Variants in COPS4 observed in about 807,000 individuals in gnomAD.
COPS4 encodes COP9 signalosome complex subunit 4.
Under a neutral mutation model 55.1 loss-of-function variants are expected in COPS4, and 8 were observed. The observed-to-expected ratio is 0.15, with a 90% CI of 0.09 to 0.26. COPS4 has a LOEUF of 0.26. Among genes scored for constraint, COPS4 ranks in the 10% least tolerant of loss-of-function variants. COPS4 has a pLI of 1.00. For missense variants in COPS4, 248 were observed against 484.0 expected, an observed-to-expected ratio of 0.51 and a Z score of 4.58; for synonymous variants, 185 against 165.7, an observed-to-expected ratio of 1.12 and a Z score of -0.90.
At chr4:83,037,644 T>C (rs1730460399) in intron 1 of COPS4, among the ~76,000 whole-genome samples, 1 of 152,196 alleles carries the variant, frequency 6.6e-6, no homozygotes, top group Non-Finnish European at 1.5e-5. Context: ...TATATCAGTG[T>C]GTTTTTTTTT....
rs377182299 is a variant in COPS4 at position 83,067,500 on chromosome 4, A to G, written c.1003-938A>G. Among the ~76,000 whole-genome samples, 11 of 149,006 alleles carry G rather than the reference A, an allele frequency of 7.4e-5. 2 individuals carry two copies. In the South Asian group the frequency reaches 1.7e-3, roughly 23 times the overall value. On this transcript the variant is annotated intron_variant, in intron 8 of 9. Transcript: ENST00000264389. Reference sequence around the variant, plus strand: ...CAGACTCCCAAAGTGCTGGGATTACAAGTGTGAGTCACCACGCCCAGCCCT... The same window carrying G: ...CAGACTCCCAAAGTGCTGGGATTACGAGTGTGAGTCACCACGCCCAGCCCT...
chr4:83,049,828 ATTAG>A, intron 3 of COPS4, 49 bp from the exon 4 acceptor site: 1 of 1,004,458 alleles, frequency 1.0e-6, no homozygotes, highest in Non-Finnish European at 1.5e-6. Flanking sequence ...ATTTATTTTA[ATTAG>A]TTACTAATGT....
chr4:83,045,561 C>T (rs1397873276), intron 1 of COPS4, 65 bp from the exon 2 acceptor site: 2 of 1,228,134 alleles, frequency 1.6e-6, no homozygotes, highest in African/African-American at 1.5e-5. Context: ...AATAAATACA[C>T]ATCAAAGTTT....
At chr4:83,061,069 C>T (rs1485597688) in intron 6 of COPS4, among the ~76,000 whole-genome samples, 2 of 151,604 alleles carry the variant, frequency 1.3e-5, no homozygotes, top group African/African-American at 4.8e-5. Context: ...ATAATCCTTG[C>T]TTGGGTCATT....
chr4:83,048,940 G>A (rs2126129428), intron 2 of COPS4, among the ~76,000 whole-genome samples: 1 of 152,168 alleles, frequency 6.6e-6, no homozygotes, highest in South Asian at 2.1e-4. Context: ...CCATCGCACT[G>A]GCCTATTTTT....
rs1259665677 is a variant in COPS4, at chr4:83,075,529, A to T, written c.*99A>T. On this transcript the variant is annotated 3_prime_UTR_variant, in exon 10 of 10. Transcript: ENST00000264389. ...TTTGCATCATGACCTTATACATTTC[A>T]ATCCCTTTTATGCTGGATTCCGTTT... 5.9e-6 allele frequency: 8 copies of T among 1,346,572 alleles called. No individual in the cohort carries two copies. The highest frequency in any genetic ancestry group is 4.4e-5 in the African/African-American group (3 of 68,512). The allele number at this position is 1,346,572 out of a possible 1,614,324, so 83.4% of individuals were successfully genotyped here. A position where few individuals can be genotyped will look rare whatever the true frequency, so the allele number is the denominator to read the frequency against.
At chr4:83,060,462 C>T (rs1381550354) in intron 6 of COPS4, among the ~76,000 whole-genome samples, 3 of 151,620 alleles carry the variant, frequency 2.0e-5, no homozygotes, top group Non-Finnish European at 4.4e-5. Flanking sequence ...ATTCTCCTGA[C>T]GCCAGGCTAA....
At chr4:83,040,841 T>C (rs1051422587) in intron 1 of COPS4, among the ~76,000 whole-genome samples, 35 of 146,898 alleles carry the variant, frequency 2.4e-4, no homozygotes, top group African/African-American at 7.5e-4. Flanking sequence ...TGTTAATACC[T>C]ACCTTTACCA....
intron 1 of COPS4, among the ~76,000 whole-genome samples, chr4:83,042,507 T>A (rs999873446): frequency 7.1e-6 from 1 of 140,426 alleles, no homozygotes; most frequent in Non-Finnish European, 1.6e-5. Flanking sequence ...TCACTTTTTT[T>A]AATTAATTAA....
chr4:83,068,407 A>C (rs747500469), intron 8 of COPS4, 31 bp from the exon 9 acceptor site: 1 of 1,435,950 alleles, frequency 7.0e-7, no homozygotes, highest in East Asian at 2.3e-5. Context: ...GATATGATAA[A>C]GTTTCTGAGA....
At chr4:83,060,186 C>CTTTT (rs70943198) in intron 6 of COPS4, among the ~76,000 whole-genome samples, 2 of 139,900 alleles carry the variant, frequency 1.4e-5, no homozygotes, top group East Asian at 2.1e-4. Context: ...TGGTATAGTT[C>CTTTT]TTTTTTTTTT....
chr4:83,073,402 T>C (rs1731487592), intron 9 of COPS4: 1 of 474,546 alleles, frequency 2.1e-6, no homozygotes, highest in Non-Finnish European at 3.8e-6. Context: ...TTTCATTGGA[T>C]GTATATACCT....
intron 7 of COPS4, among the ~76,000 whole-genome samples, chr4:83,064,610 T>G (rs1356837587): frequency 6.6e-6 from 1 of 152,128 alleles, no homozygotes; most frequent in Non-Finnish European, 1.5e-5. Flanking sequence ...CTTTTTTTTT[T>G]GTTAGTTACA....
intron 9 of COPS4, chr4:83,073,225 C>A: frequency 2.9e-6 from 2 of 679,104 alleles, no homozygotes; most frequent in South Asian, 1.6e-5. Context: ...ACCACCAATC[C>A]ATCTTCTGTC....
intron 5 of COPS4, 54 bp from the exon 6 acceptor site, chr4:83,057,204 T>A: frequency 9.1e-6 from 14 of 1,544,160 alleles, no homozygotes; most frequent in Non-Finnish European, 1.2e-5. Context: ...TTTTGTTTTG[T>A]TTAACTCTTG....
intron 2 of COPS4, among the ~76,000 whole-genome samples, chr4:83,047,966 A>G (rs1321885408): frequency 2.6e-5 from 4 of 151,434 alleles, no homozygotes; most frequent in African/African-American, 9.7e-5. Context: ...GTGCCACTGC[A>G]CTCCAGCCTG....
chr4:83,056,838 A>G (rs1302875745), intron 4 of COPS4, 88 bp from the exon 5 acceptor site: 16 of 1,118,224 alleles, frequency 1.4e-5, no homozygotes, highest in South Asian at 9.3e-5. Flanking sequence ...CAGAATATAT[A>G]TCAGGAAAAA....
In COPS4 at chr4:83,048,016, T is replaced by A. The variant is rs866358103; in HGVS notation, c.155-1150T>A. Among the ~76,000 whole-genome samples, 606 of 149,430 alleles carry A rather than the reference T, an allele frequency of 4.1e-3. 3 individuals are homozygous for A. The highest frequency in any genetic ancestry group is 0.017 in the South Asian group (78 of 4,718). ...ACTCAGTCTCAAAAAAAAAAAATAA[T>A]AATAATAAAAAAGACTTGAATAATT... is the stretch of plus-strand genomic sequence containing the variant. On this transcript the variant is annotated intron_variant, in intron 2 of 9. Coordinates refer to ENST00000264389, the MANE Select transcript of COPS4 (RefSeq NM_016129.3).
At chr4:83,045,166 G>A (rs80179099) in intron 1 of COPS4, among the ~76,000 whole-genome samples, 2,461 of 152,222 alleles carry the variant, frequency 0.016, 71 homozygotes, top group African/African-American at 0.056. Flanking sequence ...CATACATTAC[G>A]TCTGTAAGAG....
Sources: gnomAD v4.1 joint callset for allele counts (sites outside exome capture counted in the v4.1 genomes callset) on GRCh38, gnomAD v4.1.1 for gene constraint, MANE v1.5 for transcripts, NCBI Gene and HGNC (gene_info 2026-07-23, HGNC 2026-07-21) for gene names.